Variants in NR3C2 observed in about 807,000 individuals in gnomAD.
NR3C2 encodes the protein nuclear receptor subfamily 3 group C member 2.
Under a neutral mutation model 86.4 loss-of-function variants are expected in NR3C2, and 15 were observed. That is an observed-to-expected ratio of 0.17 (90% CI 0.12 to 0.27). The LOEUF (loss-of-function observed/expected upper bound fraction) is 0.27. Ranked by LOEUF, NR3C2 falls within the 10% of genes least tolerant of loss-of-function variation. NR3C2 has a pLI of 1.00. For missense variants in NR3C2, 960 were observed against 1,195.6 expected (o/e 0.80, Z 2.91); for synonymous variants, 458 against 450.5 (o/e 1.02, Z -0.21).
chr4:148,429,138 A>C (rs1749685820), intron 2 of NR3C2, among the ~76,000 whole-genome samples: 1 of 152,102 alleles, frequency 6.6e-6, no homozygotes, highest in African/African-American at 2.4e-5. Context: ...GCTAAGTGTA[A>C]ATACCAACTC....
chr4:148,338,867 C>T (rs1039567083), intron 2 of NR3C2, among the ~76,000 whole-genome samples: 3 of 152,084 alleles, frequency 2.0e-5, no homozygotes, highest in East Asian at 3.9e-4. Context: ...CATCTCAGGG[C>T]CAAATCTAGC....
At chr4:148,348,513 C>T (rs946920278) in intron 2 of NR3C2, among the ~76,000 whole-genome samples, 3 of 152,138 alleles carry the variant, frequency 2.0e-5, no homozygotes, top group Non-Finnish European at 4.4e-5. Context: ...TGCCCAAACT[C>T]TTATTTTTAC....
chr4:148,245,769 C>T (rs1164557420), intron 3 of NR3C2, among the ~76,000 whole-genome samples: 3 of 152,108 alleles, frequency 2.0e-5, no homozygotes, highest in Non-Finnish European at 4.4e-5. Context: ...CTTTATTAGA[C>T]TGAACCTGGA....
intron 4 of NR3C2, among the ~76,000 whole-genome samples, chr4:148,162,726 A>G (rs1169040200): frequency 6.6e-6 from 1 of 152,176 alleles, no homozygotes; most frequent in African/African-American, 2.4e-5. Context: ...GGCATCTCTT[A>G]GGAAGAGCTG....
rs569541733 is a variant in NR3C2 at position 148,325,996 on chromosome 4, A to C, written c.1758-65879T>G. The stretch of plus-strand genomic sequence containing the variant: ...AGACAAAATAATTTGATCCCCAAAA[A>C]TATACTTAATTGCTAACTTATTATT... On this transcript the variant is annotated intron_variant, in intron 2 of 8. Coordinates refer to ENST00000358102, the MANE Select transcript of NR3C2 (RefSeq NM_000901.5). 1.3e-4 allele frequency among the ~76,000 whole-genome samples: 20 copies of C among 152,322 alleles called. No individual in the cohort carries two copies. In the South Asian group the frequency reaches 3.9e-3, roughly 30 times the overall value.
chr4:148,205,793 G>A lies in NR3C2; in HGVS notation c.1898-10931C>T, dbSNP rs147158469. 2.4e-4 allele frequency among the ~76,000 whole-genome samples: 37 copies of A among 152,224 alleles called. 1 individual carries two copies. In the East Asian group the frequency reaches 6.8e-3, roughly 28 times the overall value. On this transcript the variant is annotated intron_variant, in intron 3 of 8. Transcript: ENST00000358102. The stretch of plus-strand genomic sequence containing the variant: ...AGAAATCAGAAAAGGCTTCACAGAA[G>A]AAATAACAATAGATTTGCATCTTGA...
intron 2 of NR3C2, among the ~76,000 whole-genome samples, chr4:148,357,120 A>G (rs1745586616): frequency 6.6e-6 from 1 of 152,176 alleles, no homozygotes; most frequent in Non-Finnish European, 1.5e-5. Flanking sequence ...ATGGTAGATA[A>G]TGGAAGGAAT....
At chr4:148,434,795 T>C (rs1749958022) in intron 2 of NR3C2, among the ~76,000 whole-genome samples, 1 of 152,202 alleles carries the variant, frequency 6.6e-6, no homozygotes, top group Non-Finnish European at 1.5e-5. Context: ...GCTAAATTAC[T>C]GTATTTACAA....
At chr4:148,217,204 T>C (rs1019630420) in intron 3 of NR3C2, among the ~76,000 whole-genome samples, 5 of 152,158 alleles carry the variant, frequency 3.3e-5, no homozygotes, top group African/African-American at 9.7e-5. Flanking sequence ...CTGGAAAGTA[T>C]TTAAGTCTCT....
At position 148,204,608 on chromosome 4, in the gene NR3C2, C is replaced by T. The variant is rs959265654; in HGVS notation, c.1898-9746G>A. Among the ~76,000 whole-genome samples, 9 of 152,180 alleles carry T rather than the reference C, an allele frequency of 5.9e-5. No homozygotes were observed. The East Asian group carries it at 1.3e-3, about 23-fold the overall frequency. Reference sequence around the variant, plus strand: ...CAGCACTTTCATTACAGCACTTACTCTGTCTACGGTCCATCCATGTTAGAA... The same window carrying T: ...CAGCACTTTCATTACAGCACTTACTTTGTCTACGGTCCATCCATGTTAGAA... On this transcript the variant is annotated intron_variant, in intron 3 of 8. Transcript: ENST00000358102.
intron 3 of NR3C2, among the ~76,000 whole-genome samples, chr4:148,226,223 T>C (rs1358531159): frequency 3.3e-5 from 5 of 152,126 alleles, no homozygotes; most frequent in Non-Finnish European, 5.9e-5. Flanking sequence ...ATATAGTAAG[T>C]CTGGATAAAT....
At chr4:148,221,535 C>A (rs188063343) in intron 3 of NR3C2, among the ~76,000 whole-genome samples, 285 of 152,262 alleles carry the variant, frequency 1.9e-3, no homozygotes, top group African/African-American at 6.1e-3. Flanking sequence ...ATGAATAAAA[C>A]CTCTACTAAC....
chr4:148,129,327 G>A (rs945168534), intron 6 of NR3C2, among the ~76,000 whole-genome samples: 1 of 152,176 alleles, frequency 6.6e-6, no homozygotes, highest in Non-Finnish European at 1.5e-5. Flanking sequence ...CACACTCATA[G>A]AAACAGTAAG....
intron 2 of NR3C2, among the ~76,000 whole-genome samples, chr4:148,421,207 C>T (rs1314840986): frequency 6.6e-6 from 1 of 152,102 alleles, no homozygotes; most frequent in East Asian, 1.9e-4. Flanking sequence ...ATAAAATTTG[C>T]CATATTCACC....
chr4:148,128,554 A>G (rs1732861350), intron 6 of NR3C2, among the ~76,000 whole-genome samples: 1 of 152,208 alleles, frequency 6.6e-6, no homozygotes, highest in Admixed American at 6.5e-5. Flanking sequence ...CATCCACCAC[A>G]GTGAGAACAC....
intron 3 of NR3C2, among the ~76,000 whole-genome samples, chr4:148,256,155 G>A (rs1422866730): frequency 2.0e-5 from 3 of 152,144 alleles, no homozygotes; most frequent in African/African-American, 7.2e-5. Flanking sequence ...CAACAGTTCA[G>A]TCTGCACTGG....
chr4:148,201,076 G>T (rs879362167), intron 3 of NR3C2: 1 of 152,174 alleles, frequency 6.6e-6, no homozygotes. Context: ...AGGAAACTGC[G>T]GCCTCTATGG....
At chr4:148,137,036 A>G (rs1733379683) in intron 6 of NR3C2, among the ~76,000 whole-genome samples, 1 of 152,252 alleles carries the variant, frequency 6.6e-6, no homozygotes, top group Admixed American at 6.5e-5. Context: ...TAGTAAAAAT[A>G]AAGAGAATTT....
In NR3C2 at chr4:148,435,691, G is replaced by A. The variant is rs1199247907; in HGVS notation, c.1170C>T (p.Gly390=). The change falls in exon 2 of 9, where the codon GGC becomes GGT. Residue 390 remains glycine, a synonymous_variant. Transcript: ENST00000358102. ...TTATGTACTGGACAATATTAAGCTG[G>A]CCAGTCACACCATTTGAGATGGCAC... ...VESAISNGVT[G]QLNIVQYIKP... is the part of the protein sequence containing the mutation. 1.2e-6 allele frequency: 2 copies of A among 1,614,124 alleles called. No individual in the cohort carries two copies. The highest frequency in any genetic ancestry group is 2.2e-5 in the South Asian group (2 of 91,078).
Sources: gnomAD v4.1 joint callset for allele counts (sites outside exome capture counted in the v4.1 genomes callset) on GRCh38, gnomAD v4.1.1 for gene constraint, MANE v1.5 for transcripts, NCBI Gene and HGNC (gene_info 2026-07-23, HGNC 2026-07-21) for gene names.